The following MGAM variants were observed in gnomAD, a reference collection of about 807,000 sequenced individuals.
MGAM encodes alpha-1,4-glucosidase.
In MGAM, 253 loss-of-function variants were observed where a neutral mutation model predicts 358.8. That is an observed-to-expected ratio of 0.71 (90% confidence interval 0.64 to 0.78). MGAM has a LOEUF of 0.78. MGAM is among the 30% of genes least tolerant of loss of function. The probability of loss-of-function intolerance (pLI) is 0.00; values close to 1 mark genes in which losing one functional copy is unlikely to be tolerated. For missense variants in MGAM, 3,080 were observed against 3,432.6 expected, an observed-to-expected ratio of 0.90 and a Z score of 2.57; for synonymous variants, 1,105 against 1,227.1, an observed-to-expected ratio of 0.90 and a Z score of 2.08.
In MGAM at chr7:142,084,305, A is replaced by C. The variant is rs779002455; in HGVS notation, c.6382-214A>C. Among the ~76,000 whole-genome samples, 7 of 145,946 alleles carry C rather than the reference A, an allele frequency of 4.8e-5. No individual in the cohort carries two copies. The East Asian group carries it at 6.1e-4, about 13-fold the overall frequency. On this transcript the variant is annotated intron_variant, in intron 53 of 70. Transcript: ENST00000475668. ...TACAGTGTCTCTAGGAATGGAGTGA[A>C]ATCAGCTTTTCCATAATTTTTAAGA...
intron 10 of MGAM, among the ~76,000 whole-genome samples, chr7:142,028,500 T>A (rs782486445): frequency 3.3e-5 from 5 of 152,082 alleles, no homozygotes; most frequent in Non-Finnish European, 4.4e-5. Flanking sequence ...CAAGACCACA[T>A]AGGTAATTGA....
chr7:141,987,413 T>C (rs1430224558), intron 2 of MGAM, among the ~76,000 whole-genome samples: 1 of 152,208 alleles, frequency 6.6e-6, no homozygotes. Flanking sequence ...ACAGACATAG[T>C]GCTCACTCAG....
At chr7:142,032,019 T>C (rs1382696157) in intron 13 of MGAM, among the ~76,000 whole-genome samples, 1 of 149,926 alleles carries the variant, frequency 6.7e-6, no homozygotes, top group Admixed American at 6.6e-5. Flanking sequence ...GAATTTTTTT[T>C]CCCAAGTCTA....
At chr7:142,039,667 G>A (rs1022621904) in intron 19 of MGAM, among the ~76,000 whole-genome samples, 7 of 152,118 alleles carry the variant, frequency 4.6e-5, no homozygotes, top group African/African-American at 1.7e-4. Context: ...ACAGGATGGA[G>A]CAGTGACCCA....
chr7:142,092,837 G>T (rs372102953), intron 59 of MGAM, among the ~76,000 whole-genome samples: 1 of 146,584 alleles, frequency 6.8e-6, no homozygotes, highest in African/African-American at 2.4e-5. Flanking sequence ...AAACACTTAC[G>T]AGTGGTCATG....
In MGAM at chr7:142,062,675, G is replaced by A. The variant is rs750379836; in HGVS notation, c.4230G>A (p.Arg1410=). 6.2e-7 allele frequency: 1 copy of A among 1,610,468 alleles called. No homozygotes were observed. Among genetic ancestry groups the A allele is most frequent in the Non-Finnish European group, 8.5e-7 (1 of 1,178,630 alleles). ...ACAACAATCCACAGAATCCAGAGAG[G>A]AGCTTGAAGTTTGATGGCATGTGGA... ...ELYNNPQNPE[R]SLKFDGMWID... Residue 1410 remains arginine (R), a synonymous_variant, in exon 35 of 71, where the codon AGG becomes AGA. Coordinates refer to ENST00000475668, the MANE Select transcript of MGAM (RefSeq NM_001365693.1).
chr7:142,061,115 T>C (rs977326319), intron 34 of MGAM, among the ~76,000 whole-genome samples: 2 of 152,166 alleles, frequency 1.3e-5, no homozygotes, highest in Non-Finnish European at 2.9e-5. Context: ...GAGTTGAATA[T>C]GGACAGGCAA....
At chr7:142,037,042 A>G (rs1554466278) in intron 18 of MGAM, 65 bp downstream of exon 18, 6 of 1,492,694 alleles carry the variant, frequency 4.0e-6, no homozygotes, top group South Asian at 1.2e-5. Flanking sequence ...TATATCATCA[A>G]ATATCAGAGT....
chr7:142,105,848 G>A lies in MGAM; in HGVS notation c.8219G>A (p.Ser2740Asn), dbSNP rs748497040. 1.9e-6 allele frequency: 3 copies of A among 1,613,600 alleles called. No homozygotes were observed. In the East Asian group the frequency reaches 6.7e-5, roughly 36 times the overall value. ...LSIDVTDRNI[S>N]LHNFTSLTWI... is the part of the protein sequence containing the mutation. ...ATCGATGTGACTGACAGAAACATCA[G>A]CCTACATAATTTTACTTCATTGACG... The change falls in exon 71 of 71, where the codon AGC becomes AAC. Residue 2740 changes from serine (S) to asparagine (N), a missense_variant. Ser to Asn is a conservative substitution (Grantham distance 46). Around this residue, in one of 5 missense-constraint regions of MGAM, gnomAD observed 194 missense variants for 172.8 expected, o/e 1.12. Coordinates refer to ENST00000475668, the MANE Select transcript of MGAM (RefSeq NM_001365693.1).
At chr7:142,066,376 A>T (rs1308000466) in intron 40 of MGAM, among the ~76,000 whole-genome samples, 197 bp from the exon 41 acceptor site, 2 of 146,248 alleles carry the variant, frequency 1.4e-5, no homozygotes, top group African/African-American at 4.9e-5. Flanking sequence ...AATGTCTTAC[A>T]GTGAAATTTT....
chr7:141,991,375 TGATCCAGAG>T (rs1347877369), upstream of MGAM, among the ~76,000 whole-genome samples: 1 of 152,022 alleles, frequency 6.6e-6, no homozygotes, highest in Non-Finnish European at 1.5e-5. Context: ...GGCTAATGCT[TGATCCAGAG>T]GTGGGGTCAC....
chr7:142,094,373 G>T lies in MGAM; in HGVS notation c.7182G>T (p.Gln2394His), dbSNP rs1312767848. 6.6e-7 allele frequency: 1 copy of T among 1,525,054 alleles called. No individual in the cohort carries two copies. The highest frequency in any genetic ancestry group is 2.4e-5 in the East Asian group (1 of 41,958). 94.5% of individuals were successfully genotyped at this position (1,525,054 alleles called of 1,614,324 possible). The change falls in exon 61 of 71, where the codon CAG becomes CAT. Residue 2394 changes from glutamine (Q) to histidine (H), a missense_variant. Gln to His is a conservative substitution (Grantham distance 24, BLOSUM62 0). Coordinates refer to ENST00000475668, the MANE Select transcript of MGAM (RefSeq NM_001365693.1). ...TTTCCCCTCCAACCAGAGCCGTGCA[G>T]GAGGTGACAGGACAGCGAGGGGTCG... ...SQTRPTYEAV[Q>H]EVTGQRGVVI...
chr7:142,092,018 A>G lies in MGAM; in HGVS notation c.6916A>G (p.Arg2306Gly). 6.5e-7 allele frequency: 1 copy of G among 1,536,252 alleles called. No homozygotes were observed. The highest frequency in any genetic ancestry group is 8.9e-7 in the Non-Finnish European group (1 of 1,122,252). Residue 2306 changes from arginine (R) to glycine (G), a missense_variant, in exon 58 of 71, where the codon AGG (arginine) becomes GGG (glycine). By Grantham distance (125) the Arg-to-Gly change is moderately radical (BLOSUM62 -2). Around this residue, in one of 5 missense-constraint regions of MGAM, gnomAD observed 932 missense variants for 1,198.2 expected, o/e 0.78. Coordinates refer to ENST00000475668, the MANE Select transcript of MGAM (RefSeq NM_001365693.1). ...ELYNNPQNPE[R>G]SLKFDGMWID... ...ATACAACAATCCACAGAATCCAGAG[A>G]GGAGCTTGAAGTTTGATGGCATGTG...
intron 43 of MGAM, among the ~76,000 whole-genome samples, chr7:142,069,431 C>G (rs1372873055): frequency 6.9e-6 from 1 of 145,566 alleles, no homozygotes; most frequent in Non-Finnish European, 1.6e-5. Flanking sequence ...GGGGAAGAAT[C>G]AAAGGAGGTA....
chr7:142,019,371 C>T lies in MGAM; in HGVS notation c.448+52C>T. On this transcript the variant is annotated intron_variant, in intron 4 of 70. Coordinates refer to ENST00000475668, the MANE Select transcript of MGAM (RefSeq NM_001365693.1). ...GAGGTCCAGACCCTCTGGAGGTTGA[C>T]TCTGTATCCCCCAGGGGCAGCCTGC... is the stretch of plus-strand genomic sequence containing the variant. 4.4e-6 allele frequency: 7 copies of T among 1,590,706 alleles called. No individual in the cohort carries two copies. In the South Asian group the frequency reaches 5.6e-5, roughly 13 times the overall value.
At chr7:142,044,402 G>GAATATTATATACACATACGAT (rs1563154220) in intron 21 of MGAM, among the ~76,000 whole-genome samples, 23 of 44,386 alleles carry the variant, frequency 5.2e-4, no homozygotes, top group South Asian at 1.7e-3. Flanking sequence ...TACGATATAT[G>GAATATTATATACACATACGAT]ATATATAATG....
rs782347113 is a variant in MGAM at position 141,990,231 on chromosome 7, A to G, written c.-2-15298A>G. ...TCAGAACGACAATTACAACACACAT[A>G]GAATGCTTACTATGGCCTATGTATC... is the stretch of plus-strand genomic sequence containing the variant. On this transcript the variant is annotated intron_variant, in intron 2 of 5. Coordinates refer to the MGAM transcript ENST00000465654. 8.3e-4 allele frequency among the ~76,000 whole-genome samples: 127 copies of G among 152,230 alleles called. 5 individuals are homozygous for G. The highest frequency in any genetic ancestry group is 1.6e-4 in the Non-Finnish European group (11 of 68,034).
intron 49 of MGAM, among the ~76,000 whole-genome samples, chr7:142,080,335 A>G (rs1814143668): frequency 6.8e-6 from 1 of 146,462 alleles, no homozygotes; most frequent in South Asian, 2.2e-4. Flanking sequence ...GTGCAGTGTC[A>G]GGCAGGGATG....
intron 16 of MGAM, among the ~76,000 whole-genome samples, chr7:142,035,633 T>A (rs1169280513): frequency 2.0e-5 from 3 of 152,024 alleles, no homozygotes; most frequent in Non-Finnish European, 4.4e-5. Flanking sequence ...ACAAACAGTA[T>A]AAGGGGGATT....
Sources: allele counts gnomAD v4.1 joint callset (sites outside exome capture counted in the v4.1 genomes callset), GRCh38; gene constraint gnomAD v4.1.1; regional missense constraint gnomAD v4.1.1; transcripts MANE v1.5; gene names NCBI Gene and HGNC (gene_info 2026-07-23, HGNC 2026-07-21).